Variants in ADGRL3 observed in about 807,000 individuals in gnomAD.
The protein encoded by ADGRL3 is calcium-independent alpha-latrotoxin receptor 3.
A neutral mutation model predicts 153.5 loss-of-function variants in ADGRL3; 62 were observed. The observed-to-expected ratio is 0.40, with a 90% CI of 0.33 to 0.50. ADGRL3 has a LOEUF of 0.50. Ranked by LOEUF, ADGRL3 falls within the 20% of genes least tolerant of loss-of-function variation. The pLI, the probability that ADGRL3 is intolerant of heterozygous loss-of-function variation, is 0.47. For missense variants in ADGRL3, 1,641 were observed against 1,859.4 expected (o/e 0.88, Z 2.16); for synonymous variants, 710 against 672.5 (o/e 1.06, Z -0.86).
chr4:61,977,446 G>A (rs557079618), intron 17 of ADGRL3, among the ~76,000 whole-genome samples: 281 of 152,188 alleles, frequency 1.8e-3, no homozygotes, highest in Non-Finnish European at 3.1e-3. Flanking sequence ...TTAAGCTGTC[G>A]CAGACCCAAC....
chr4:62,052,425 C>T (rs530844401), intron 25 of ADGRL3, among the ~76,000 whole-genome samples: 1 of 151,414 alleles, frequency 6.6e-6, no homozygotes, highest in African/African-American at 2.4e-5. Context: ...GTTCTAAGCA[C>T]AGTTTTTTTA....
At chr4:62,012,866 C>A (rs1046224994) in intron 21 of ADGRL3, among the ~76,000 whole-genome samples, 1 of 152,016 alleles carries the variant, frequency 6.6e-6, no homozygotes, top group Non-Finnish European at 1.5e-5. Context: ...GGGATTTCAG[C>A]GTTATTAGTA....
Position 61,516,858 on chromosome 4 carries a change from A to T in ADGRL3, c.56-457A>T, listed in dbSNP as rs147088062. Reference sequence around the variant, plus strand: ...AACAAACAAAAGACACCTTTCTGGGACTTTCTTTACCCATTACCTTATCAA... The same window carrying T: ...AACAAACAAAAGACACCTTTCTGGGTCTTTCTTTACCCATTACCTTATCAA... On this transcript the variant is annotated intron_variant, in intron 3 of 26. Coordinates refer to ENST00000683033, the MANE Select transcript of ADGRL3 (RefSeq NM_001387552.1). 9.2e-5 allele frequency among the ~76,000 whole-genome samples: 14 copies of T among 152,252 alleles called. No individual in the cohort carries two copies. The South Asian group carries it at 2.1e-3, about 23-fold the overall frequency.
At chr4:61,509,148 A>G (rs1483458098) in intron 3 of ADGRL3, among the ~76,000 whole-genome samples, 1 of 123,598 alleles carries the variant, frequency 8.1e-6, no homozygotes, top group African/African-American at 3.1e-5. Context: ...TTTTTTTGAG[A>G]CAGAGTTTCT....
intron 8 of ADGRL3, among the ~76,000 whole-genome samples, chr4:61,794,757 A>G (rs571936744): frequency 3.1e-4 from 47 of 152,332 alleles, no homozygotes; most frequent in African/African-American, 1.1e-3. Context: ...GTGTTGTAAG[A>G]GTCACTACCT....
At chr4:61,707,519 C>T (rs925622199) in intron 6 of ADGRL3, among the ~76,000 whole-genome samples, 1 of 151,662 alleles carries the variant, frequency 6.6e-6, no homozygotes, top group Non-Finnish European at 1.5e-5. Context: ...TTTTAATATG[C>T]CTAGTTAGTT....
intron 19 of ADGRL3, among the ~76,000 whole-genome samples, chr4:61,990,511 T>G (rs2099099993): frequency 6.6e-6 from 1 of 151,928 alleles, no homozygotes; most frequent in Non-Finnish European, 1.5e-5. Context: ...CTCTTAAATA[T>G]ACTAAAAACC....
At chr4:61,312,056 A>C (rs2095036420) in intron 1 of ADGRL3, among the ~76,000 whole-genome samples, 1 of 152,202 alleles carries the variant, frequency 6.6e-6, no homozygotes, top group Non-Finnish European at 1.5e-5. Context: ...CTGCTCTGAA[A>C]AAAATAAAAC....
chr4:61,426,154 C>T (rs566485536), intron 2 of ADGRL3, among the ~76,000 whole-genome samples: 2 of 152,244 alleles, frequency 1.3e-5, no homozygotes, highest in Non-Finnish European at 2.9e-5. Flanking sequence ...TAAGTCTTGC[C>T]ACATGGCGTG....
intron 2 of ADGRL3, among the ~76,000 whole-genome samples, chr4:61,483,657 A>G (rs1356009680): frequency 4.6e-5 from 7 of 152,134 alleles, no homozygotes; most frequent in Middle Eastern, 3.4e-3. Context: ...TAATTGCTTG[A>G]ACTCGGGAAG....
At chr4:62,051,321 T>TA (rs1734101989) in intron 25 of ADGRL3, among the ~76,000 whole-genome samples, 1 of 151,524 alleles carries the variant, frequency 6.6e-6, no homozygotes, top group Non-Finnish European at 1.5e-5. Context: ...TCAGATTTTT[T>TA]AAGTGAGATG....
At chr4:61,391,443 C>T (rs1204854468) in intron 2 of ADGRL3, among the ~76,000 whole-genome samples, 1 of 152,180 alleles carries the variant, frequency 6.6e-6, no homozygotes, top group Non-Finnish European at 1.5e-5. Context: ...CAGGCTACAC[C>T]TCTGGCATTA....
At chr4:61,285,093 G>A (rs2093881876) in intron 1 of ADGRL3, among the ~76,000 whole-genome samples, 1 of 151,570 alleles carries the variant, frequency 6.6e-6, no homozygotes, top group Non-Finnish European at 1.5e-5. Context: ...TACTTAATCT[G>A]TAGAGAAAGA....
At chr4:61,639,343 T>C (rs2093565667) in intron 5 of ADGRL3, among the ~76,000 whole-genome samples, 1 of 152,116 alleles carries the variant, frequency 6.6e-6, no homozygotes, top group South Asian at 2.1e-4. Flanking sequence ...TTTAATGTAG[T>C]ATATGAATAA....
rs1332416163 is a variant in ADGRL3, at chr4:61,892,962, A to G, written c.1783+4A>G. The G allele has an allele frequency of 6.6e-7, 1 of 1,506,424 alleles. No individual in the cohort carries two copies. The allele number at this position is 1,506,424 out of a possible 1,614,324, so 93.3% of individuals were successfully genotyped here. A position where few individuals can be genotyped will look rare whatever the true frequency, so the allele number is the denominator to read the frequency against. On this transcript the variant is annotated splice_donor_region_variant and intron_variant, in intron 10 of 26. Coordinates refer to ENST00000683033, the MANE Select transcript of ADGRL3 (RefSeq NM_001387552.1). ...CCATGCCCTGCAGGAACTATAGGTA[A>G]GTCTGTGCTAAAGCACTAAGTTAAA...
At chr4:61,310,450 G>A (rs897769442) in intron 1 of ADGRL3, among the ~76,000 whole-genome samples, 2 of 152,008 alleles carry the variant, frequency 1.3e-5, no homozygotes, top group South Asian at 2.1e-4. Context: ...GAACAATACC[G>A]ATTTTCCATG....
At chr4:61,437,966 T>G (rs984087281) in intron 2 of ADGRL3, among the ~76,000 whole-genome samples, 3 of 152,214 alleles carry the variant, frequency 2.0e-5, no homozygotes, top group Admixed American at 6.5e-5. Flanking sequence ...CATTTGGAAC[T>G]TGATCCAAAG....
At chr4:61,733,727 A>C (rs1467069792) in intron 8 of ADGRL3, among the ~76,000 whole-genome samples, 173 bp downstream of exon 8, 2 of 152,154 alleles carry the variant, frequency 1.3e-5, no homozygotes, top group African/African-American at 4.8e-5. Context: ...TCAGCTATAA[A>C]AATGTGTAAC....
At chr4:61,529,937 C>G (rs549008396) in intron 4 of ADGRL3, among the ~76,000 whole-genome samples, 2 of 152,242 alleles carry the variant, frequency 1.3e-5, no homozygotes, top group East Asian at 3.9e-4. Flanking sequence ...GAAATCACTA[C>G]ATGTGGCTTT....
Sources: gnomAD v4.1 joint callset for allele counts (sites outside exome capture counted in the v4.1 genomes callset) on GRCh38, gnomAD v4.1.1 for gene constraint, MANE v1.5 for transcripts, NCBI Gene and HGNC (gene_info 2026-07-23, HGNC 2026-07-21) for gene names.